Variants in ANO10 observed in about 807,000 individuals in gnomAD.
ANO10 encodes the protein anoctamin-10.
A neutral mutation model predicts 74.7 loss-of-function variants in ANO10; 77 were observed. The observed-to-expected ratio is 1.03, with a 90% CI of 0.86 to 1.25. The LOEUF (loss-of-function observed/expected upper bound fraction) is 1.25. Ranked by LOEUF, ANO10 falls within the 50% of genes most tolerant of loss-of-function variation. ANO10 has a pLI of 0.00. For missense variants in ANO10, 721 were observed against 778.1 expected (o/e 0.93, Z 0.87); for synonymous variants, 279 against 284.9 (o/e 0.98, Z 0.21).
chr3:43,682,383 G>A (rs2084213447), intron 1 of ANO10, among the ~76,000 whole-genome samples: 1 of 152,186 alleles, frequency 6.6e-6, no homozygotes, highest in South Asian at 2.1e-4. Context: ...AAACCAGGAA[G>A]AAGTTGAATC....
chr3:43,590,129 A>G (rs971827593), intron 4 of ANO10, among the ~76,000 whole-genome samples: 3 of 152,214 alleles, frequency 2.0e-5, no homozygotes, highest in Non-Finnish European at 4.4e-5. Context: ...AAATTGTAAG[A>G]TGCTTGGGAG....
intron 4 of ANO10, among the ~76,000 whole-genome samples, chr3:43,585,088 T>C (rs1279866952): frequency 6.6e-6 from 1 of 152,174 alleles, no homozygotes; most frequent in Non-Finnish European, 1.5e-5. Flanking sequence ...ACTCTGAAAA[T>C]AGGTCATAGT....
At chr3:43,556,864 T>C (rs2079776164) in intron 9 of ANO10, among the ~76,000 whole-genome samples, 1 of 152,124 alleles carries the variant, frequency 6.6e-6, no homozygotes, top group African/African-American at 2.4e-5. Context: ...CCAGTAAGCC[T>C]AGTAGATAAT....
chr3:43,602,390 T>C (rs758850828), intron 2 of ANO10, among the ~76,000 whole-genome samples: 1 of 152,176 alleles, frequency 6.6e-6, no homozygotes, highest in African/African-American at 2.4e-5. Flanking sequence ...CAGGCTAGAG[T>C]GCAATGGTGC....
In ANO10 at chr3:43,681,696, A is replaced by C. The variant is rs550750651; in HGVS notation, c.-12+9821T>G. 2.0e-5 allele frequency among the ~76,000 whole-genome samples: 3 copies of C among 152,354 alleles called. No individual in the cohort carries two copies. In the East Asian group the frequency reaches 5.8e-4, roughly 29 times the overall value. ...AGTTGGAAGTAAAGCACTCCTCAGC[A>C]AATGTAAAAGAACAGAAATTATAAC... On this transcript the variant is annotated intron_variant, in intron 1 of 3. Coordinates refer to the ANO10 transcript ENST00000413397.
chr3:43,455,975 C>A (rs148789033), intron 11 of ANO10, among the ~76,000 whole-genome samples: 27 of 152,188 alleles, frequency 1.8e-4, no homozygotes, highest in African/African-American at 5.8e-4. Context: ...CTCTAATTTA[C>A]GATGGGATAA....
At chr3:43,452,629 G>A (rs931499480) in intron 11 of ANO10, among the ~76,000 whole-genome samples, 4 of 152,214 alleles carry the variant, frequency 2.6e-5, no homozygotes, top group Non-Finnish European at 5.9e-5. Flanking sequence ...GAATAATGCT[G>A]CTATGAATAT....
chr3:43,382,518 CAAAAAAA>C (rs71616090), intron 12 of ANO10, among the ~76,000 whole-genome samples: 1 of 92,748 alleles, frequency 1.1e-5, no homozygotes. Flanking sequence ...GACTCCGTCT[CAAAAAAA>C]AAAAAAAAGA....
intron 1 of ANO10, among the ~76,000 whole-genome samples, chr3:43,651,703 A>G (rs1053005901): frequency 1.3e-5 from 2 of 152,200 alleles, no homozygotes; most frequent in Non-Finnish European, 2.9e-5. Flanking sequence ...GATTTTTCCA[A>G]TCATGCCTTC....
intron 12 of ANO10, among the ~76,000 whole-genome samples, chr3:43,383,902 C>T (rs1184695537): frequency 6.6e-6 from 1 of 152,088 alleles, no homozygotes; most frequent in East Asian, 1.9e-4. Context: ...CAGCATAGTA[C>T]TGGAAGTCCT....
At chr3:43,381,420 C>T (rs2091955208) in intron 12 of ANO10, among the ~76,000 whole-genome samples, 1 of 152,036 alleles carries the variant, frequency 6.6e-6, no homozygotes, top group African/African-American at 2.4e-5. Flanking sequence ...AGTAGCCAGT[C>T]TTATATCAGA....
intron 1 of ANO10, among the ~76,000 whole-genome samples, chr3:43,642,596 G>T (rs889846340): frequency 6.6e-6 from 1 of 151,782 alleles, no homozygotes; most frequent in Non-Finnish European, 1.5e-5. Context: ...CATTTATGTG[G>T]TCCCAAAGTT....
chr3:43,598,818 GCTC>G, intron 3 of ANO10, 152 bp from the exon 4 acceptor site: 1 of 652,296 alleles, frequency 1.5e-6, no homozygotes, highest in Non-Finnish European at 2.5e-6. Flanking sequence ...AGAACATAAA[GCTC>G]CTTAGATATT....
intron 1 of ANO10, among the ~76,000 whole-genome samples, chr3:43,672,043 T>G (rs932225698): frequency 1.3e-5 from 2 of 152,216 alleles, no homozygotes; most frequent in African/African-American, 4.8e-5. Context: ...AGCTCAAATA[T>G]ATCTGTTATG....
At chr3:43,493,068 A>G (rs372173754) in intron 11 of ANO10, among the ~76,000 whole-genome samples, 10 of 152,240 alleles carry the variant, frequency 6.6e-5, no homozygotes, top group African/African-American at 1.9e-4. Context: ...CTGGATGAAG[A>G]AAATGTGGCA....
intron 12 of ANO10, among the ~76,000 whole-genome samples, chr3:43,388,449 C>G (rs1395372): frequency 0.91 from 138,996 of 152,166 alleles, 63,808 homozygotes; most frequent in Non-Finnish European, 0.96. Context: ...TGAATGCATG[C>G]CCTTATCCCT....
intron 1 of ANO10, among the ~76,000 whole-genome samples, chr3:43,654,769 C>G (rs1455521487): frequency 1.3e-5 from 2 of 152,184 alleles, no homozygotes; most frequent in African/African-American, 4.8e-5. Flanking sequence ...AGTGATCAGT[C>G]AGAATGGATG....
chr3:43,561,932 T>G (rs2080054922), intron 8 of ANO10, among the ~76,000 whole-genome samples: 1 of 152,252 alleles, frequency 6.6e-6, no homozygotes, highest in Non-Finnish European at 1.5e-5. Flanking sequence ...TAAATGATGT[T>G]GCCAACTCTG....
At chr3:43,678,278 T>C (rs557014284) in intron 1 of ANO10, among the ~76,000 whole-genome samples, 4 of 152,342 alleles carry the variant, frequency 2.6e-5, no homozygotes, top group African/African-American at 9.6e-5. Flanking sequence ...CGGTTTCTAC[T>C]GAATGTGTAT....
Sources: gnomAD v4.1 joint callset for allele counts (sites outside exome capture counted in the v4.1 genomes callset) on GRCh38, gnomAD v4.1.1 for gene constraint, MANE v1.5 for transcripts, NCBI Gene and HGNC (gene_info 2026-07-23, HGNC 2026-07-21) for gene names.